MAP4: variants seen among roughly 807,000 people sequenced by gnomAD.
MAP4 encodes the protein microtubule associated protein 4, also known as microtubule-associated protein 4.
In MAP4, 76 loss-of-function variants were observed where a neutral mutation model predicts 170.2. The observed-to-expected ratio is 0.45, with a 90% CI of 0.37 to 0.54. The LOEUF is 0.54. MAP4 is among the 20% of genes least tolerant of loss of function. MAP4 has a pLI of 0.00. For missense variants in MAP4, 2,506 were observed against 2,748.0 expected (o/e 0.91, Z 1.97); for synonymous variants, 909 against 994.5 (o/e 0.91, Z 1.62).
chr3:47,970,489 T>G (rs1010864504), intron 3 of MAP4, among the ~76,000 whole-genome samples: 2 of 149,096 alleles, frequency 1.3e-5, no homozygotes, highest in Non-Finnish European at 3.0e-5. Context: ...AAACTCCATC[T>G]CAAAAAACAA....
At chr3:47,885,755 A>C (rs2097485896) in intron 10 of MAP4, among the ~76,000 whole-genome samples, 1 of 149,714 alleles carries the variant, frequency 6.7e-6, no homozygotes, top group Non-Finnish European at 1.5e-5. Flanking sequence ...TTGAGACGGA[A>C]TCTCGCTCTG....
intron 9 of MAP4, among the ~76,000 whole-genome samples, chr3:47,905,774 G>A (rs2100032636): frequency 6.6e-6 from 1 of 151,808 alleles, no homozygotes; most frequent in South Asian, 2.1e-4. Context: ...CAAGTGGATC[G>A]CCTAAGGTCA....
chr3:47,973,246 A>G (rs947411442), intron 3 of MAP4: 1 of 982,044 alleles, frequency 1.0e-6, no homozygotes, highest in Non-Finnish European at 1.2e-6. Flanking sequence ...TACATCTTCA[A>G]CATTGGGCCA....
chr3:48,034,493 A>G (rs2154523424), intron 1 of MAP4, among the ~76,000 whole-genome samples: 1 of 152,154 alleles, frequency 6.6e-6, no homozygotes, highest in East Asian at 1.9e-4. Context: ...ACTTGAGGTC[A>G]GGAGTTCGAG....
intron 1 of MAP4, among the ~76,000 whole-genome samples, chr3:48,079,229 A>T (rs2100145358): frequency 6.6e-6 from 1 of 152,140 alleles, no homozygotes; most frequent in Admixed American, 6.6e-5. Context: ...ATGTCAAAGG[A>T]AATGCTCACT....
chr3:47,925,046 G>A (rs1011042383), intron 4 of MAP4, among the ~76,000 whole-genome samples: 6 of 152,084 alleles, frequency 3.9e-5, no homozygotes, highest in Admixed American at 6.6e-5. Flanking sequence ...TCTTGACCTC[G>A]TGATCCACCT....
intron 8 of MAP4, among the ~76,000 whole-genome samples, chr3:47,914,578 C>A (rs967748530): frequency 1.4e-4 from 20 of 148,038 alleles, no homozygotes; most frequent in South Asian, 2.1e-4. Flanking sequence ...ACAACAACAA[C>A]AAAAAAAACA....
chr3:47,989,835 A>G (rs1204105236), intron 2 of MAP4, among the ~76,000 whole-genome samples: 4 of 152,226 alleles, frequency 2.6e-5, no homozygotes, highest in African/African-American at 4.8e-5. Flanking sequence ...TGACTTCCCC[A>G]GAGAACCCCC....
At chr3:47,856,012 T>C (rs1194686434) in intron 18 of MAP4, among the ~76,000 whole-genome samples, 1 of 152,176 alleles carries the variant, frequency 6.6e-6, no homozygotes, top group Non-Finnish European at 1.5e-5. Context: ...TGGGATCTAG[T>C]GACCTCAGGC....
rs56801753 is a variant in MAP4 at position 48,076,331 on chromosome 3, C to T, written c.-20+12442G>A. 2.1e-3 allele frequency among the ~76,000 whole-genome samples: 309 copies of T among 150,652 alleles called. 5 individuals carry two copies. The East Asian group carries it at 0.047, about 23-fold the overall frequency. On this transcript the variant is annotated intron_variant, in intron 1 of 18. Coordinates refer to the MAP4 transcript ENST00000360240. ...CTAACATGGTGAAACTTCATCTCTA[C>T]TAAAAATACAAAAAAAAAAAATTAG...
intron 2 of MAP4, among the ~76,000 whole-genome samples, chr3:47,984,614 T>TCC: frequency 6.6e-6 from 1 of 151,044 alleles, no homozygotes; most frequent in South Asian, 2.1e-4. Flanking sequence ...AGCAGATGGC[T>TCC]TGAGCCCAGG....
chr3:47,872,615 G>A (rs1451340282), intron 12 of MAP4, among the ~76,000 whole-genome samples: 1 of 152,186 alleles, frequency 6.6e-6, no homozygotes, highest in Non-Finnish European at 1.5e-5. Context: ...CATGCAGGGT[G>A]CTATGTGATC....
At chr3:48,080,872 C>CCGAG (rs1213932362) in intron 1 of MAP4, among the ~76,000 whole-genome samples, 2 of 152,310 alleles carry the variant, frequency 1.3e-5, no homozygotes, top group East Asian at 3.9e-4. Flanking sequence ...CGCCTGTAAT[C>CCGAG]CGAGCACTTT....
Position 48,030,493 on chromosome 3 carries a change from A to T in MAP4, c.-19-31614T>A, listed in dbSNP as rs1160032713. Reference sequence around the variant, plus strand: ...AGTGCTAAAAATAAAAATAAAAAAAAAAAAACAACGATAGGGGTAAGTTGG... The same window carrying T: ...AGTGCTAAAAATAAAAATAAAAAAATAAAAACAACGATAGGGGTAAGTTGG... On this transcript the variant is annotated intron_variant, in intron 1 of 18. Transcript: ENST00000360240. 2.0e-3 allele frequency among the ~76,000 whole-genome samples: 306 copies of T among 151,984 alleles called. 3 individuals are homozygous for T. Among genetic ancestry groups the T allele is most frequent in the African/African-American group, 6.7e-3 (278 of 41,426 alleles).
At position 47,916,849 on chromosome 3, in the gene MAP4, T is replaced by C. The variant is rs780952060; in HGVS notation, c.978A>G (p.Thr326=). 13 of 1,614,260 alleles carry C rather than the reference T, an allele frequency of 8.1e-6. No individual in the cohort carries two copies. Among genetic ancestry groups the C allele is most frequent in the Non-Finnish European group, 1.1e-5 (13 of 1,180,048 alleles). ...CCACATTCTTGGCTGAAGATACATC[T>C]GTTTCTGTGGGCCATCTGACATCCT... ...LVKDVRWPTE[T]DVSSAKNVVL... Residue 326 remains threonine, a synonymous_variant, in exon 7 of 21, where the codon ACA becomes ACG. Transcript: ENST00000683076.
At chr3:47,859,463 C>T (rs1204915583) in intron 17 of MAP4, among the ~76,000 whole-genome samples, 2 of 152,210 alleles carry the variant, frequency 1.3e-5, no homozygotes, top group Non-Finnish European at 2.9e-5. Context: ...AGAATAACTA[C>T]CCACAATCCC....
intron 1 of MAP4, among the ~76,000 whole-genome samples, chr3:48,063,566 T>C (rs934254545): frequency 6.6e-6 from 1 of 152,182 alleles, no homozygotes; most frequent in African/African-American, 2.4e-5. Context: ...AGTAGCTTTA[T>C]TCACAATTGC....
At chr3:47,864,759 C>G (rs1000963282) in intron 17 of MAP4, among the ~76,000 whole-genome samples, 1 of 152,188 alleles carries the variant, frequency 6.6e-6, no homozygotes, top group Non-Finnish European at 1.5e-5. Context: ...CCCAGCTACT[C>G]GGGAAGCTGA....
chr3:47,916,376 G>A lies in MAP4; in HGVS notation c.1451C>T (p.Thr484Ile), dbSNP rs984147745. 9.9e-6 allele frequency: 16 copies of A among 1,614,184 alleles called. No individual in the cohort carries two copies. The highest frequency in any genetic ancestry group is 1.2e-5 in the Non-Finnish European group (14 of 1,180,032). Residue 484 changes from threonine (T) to isoleucine (I), a missense_variant, in exon 7 of 21, where the codon ACA becomes ATA. Thr to Ile is a moderately conservative substitution (Grantham distance 89). This residue lies in a region of MAP4 where 2,008 missense variants were observed against 2,206.0 expected (regional missense o/e 0.91). Transcript: ENST00000683076. Reference protein sequence around the residue: ...PVKDMAQLPETEIAPAKDVAP... With the variant: ...PVKDMAQLPEIEIAPAKDVAP... ...CACATCCTTGGCCGGGGCTATTTCT[G>A]TTTCTGGGAGTTGAGCCATGTCCTT...
Sources: allele counts gnomAD v4.1 joint callset (sites outside exome capture counted in the v4.1 genomes callset), GRCh38; gene constraint gnomAD v4.1.1; regional missense constraint gnomAD v4.1.1; transcripts MANE v1.5; gene names NCBI Gene and HGNC (gene_info 2026-07-23, HGNC 2026-07-21).